TMEM178A: variants seen among roughly 807,000 people sequenced by gnomAD.
The protein encoded by TMEM178A is transmembrane protein 178A.
In TMEM178A, 12 loss-of-function variants were observed where a neutral mutation model predicts 29.1. The observed-to-expected ratio is 0.41, with a 90% CI of 0.26 to 0.67. The LOEUF is 0.67. Ranked by LOEUF, TMEM178A falls within the 30% of genes least tolerant of loss-of-function variation. The probability of loss-of-function intolerance (pLI) is 0.29; values close to 1 mark genes in which losing one functional copy is unlikely to be tolerated. For missense variants in TMEM178A, 366 were observed against 419.1 expected (o/e 0.87, Z 1.11); for synonymous variants, 210 against 187.2 (o/e 1.12, Z -0.99).
In TMEM178A at chr2:39,689,140, C is replaced by T. The variant is rs546761964; in HGVS notation, c.401-14941C>T. On this transcript the variant is annotated intron_variant, in intron 1 of 3. Coordinates refer to ENST00000281961, the MANE Select transcript of TMEM178A (RefSeq NM_152390.3). ...AAACTTTTGAAAGTGTAGCTCAATA[C>T]GAAGGATTCTATCAAGACACCTGGA... is the stretch of plus-strand genomic sequence containing the variant. 6.3e-4 allele frequency among the ~76,000 whole-genome samples: 96 copies of T among 152,238 alleles called. No homozygotes were observed. In the Middle Eastern group the frequency reaches 0.017, roughly 27 times the overall value.
At chr2:39,685,704 C>T (rs1252115916) in intron 1 of TMEM178A, among the ~76,000 whole-genome samples, 1 of 152,154 alleles carries the variant, frequency 6.6e-6, no homozygotes, top group Non-Finnish European at 1.5e-5. Flanking sequence ...CTTGGAATTC[C>T]AATGAGATAA....
intron 1 of TMEM178A, among the ~76,000 whole-genome samples, chr2:39,675,415 G>GTA (rs1553344147): frequency 1.2e-3 from 181 of 151,892 alleles, no homozygotes; most frequent in African/African-American, 4.2e-3. Flanking sequence ...TTATAAAAGG[G>GTA]CAGTTTTGTA....
chr2:39,712,231 GA>G (rs1281400973), intron 3 of TMEM178A, among the ~76,000 whole-genome samples: 2 of 151,992 alleles, frequency 1.3e-5, no homozygotes, highest in Non-Finnish European at 2.9e-5. Context: ...AGGAGCAGGG[GA>G]AAAAAATCAA....
At chr2:39,722,404 C>T (rs1187267423), downstream of TMEM178A, among the ~76,000 whole-genome samples, 1 of 152,162 alleles carries the variant, frequency 6.6e-6, no homozygotes, top group African/African-American at 2.4e-5. Flanking sequence ...TTAATGGAGA[C>T]TGGAATTGAA....
rs1217094321 is a variant in TMEM178A, at chr2:39,717,330, C to T, written c.*79C>T. On this transcript the variant is annotated 3_prime_UTR_variant, in exon 4 of 4. Transcript: ENST00000281961. ...GGAGTTCAGGAGTCCAAGCACAAAG[C>T]GGTCTTTTACATTCCAACCTGTTGC... The T allele has an allele frequency of 3.0e-5, 46 of 1,516,894 alleles. No homozygotes were observed. The highest frequency in any genetic ancestry group is 1.8e-4 in the East Asian group (8 of 43,716). The allele number at this position is 1,516,894 out of a possible 1,614,324, so 94.0% of individuals were successfully genotyped here. A position where few individuals can be genotyped will look rare whatever the true frequency, so the allele number is the denominator to read the frequency against.
intron 1 of TMEM178A, among the ~76,000 whole-genome samples, chr2:39,693,186 A>G (rs1282374665): frequency 6.6e-6 from 1 of 152,206 alleles, no homozygotes; most frequent in African/African-American, 2.4e-5. Flanking sequence ...GAGTGAAGAA[A>G]GCTGAGGTTT....
Position 39,665,995 on chromosome 2 carries a change from C to T in TMEM178A, c.21C>T (p.Val7=), listed in dbSNP as rs1670131460. The T allele has an allele frequency of 2.8e-6, 4 of 1,436,872 alleles. No individual in the cohort carries two copies. Among genetic ancestry groups the T allele is most frequent in the African/African-American group, 1.5e-5 (1 of 67,522 alleles). 89.0% of individuals were successfully genotyped at this position (1,436,872 alleles called of 1,614,324 possible). A position where few individuals can be genotyped will look rare whatever the true frequency, so the allele number is the denominator to read the frequency against. MEPRAL[V]TALSLGLSLC... ...AAGCCATGGAGCCGCGGGCGCTCGT[C>T]ACGGCGCTCAGCCTCGGCCTCAGCC... The change falls in exon 1 of 4, where the codon GTC becomes GTT. Residue 7 remains valine (V), a synonymous_variant. Coordinates refer to ENST00000281961, the MANE Select transcript of TMEM178A (RefSeq NM_152390.3).
intron 3 of TMEM178A, among the ~76,000 whole-genome samples, chr2:39,708,424 T>C (rs900587457): frequency 2.9e-5 from 4 of 138,916 alleles, no homozygotes; most frequent in Admixed American, 7.2e-5. Flanking sequence ...TTTTTTTTTT[T>C]TTTTTTTTTT....
intron 1 of TMEM178A, among the ~76,000 whole-genome samples, chr2:39,702,917 G>A (rs1169466722): frequency 6.6e-6 from 1 of 152,114 alleles, no homozygotes; most frequent in East Asian, 1.9e-4. Flanking sequence ...TTTTTAACGA[G>A]CCACCTAGGT....
chr2:39,728,482 G>C, the TMEM178A span, among the ~76,000 whole-genome samples: 1 of 151,788 alleles, frequency 6.6e-6, no homozygotes, highest in African/African-American at 2.4e-5. Context: ...TCTTTTCTGG[G>C]CCACACTCTG....
intron 1 of TMEM178A, among the ~76,000 whole-genome samples, chr2:39,678,460 C>T (rs557857830): frequency 1.6e-4 from 25 of 152,058 alleles, no homozygotes; most frequent in East Asian, 7.7e-4. Flanking sequence ...ACACTATGCT[C>T]GGTGAAAGAA....
At chr2:39,731,680 T>A in the TMEM178A span, among the ~76,000 whole-genome samples, 1 of 152,226 alleles carries the variant, frequency 6.6e-6, no homozygotes, top group African/African-American at 2.4e-5. Context: ...AATTTCAATG[T>A]GAGCTTCCAG....
intron 1 of TMEM178A, among the ~76,000 whole-genome samples, chr2:39,696,487 C>A (rs2148087592): frequency 6.6e-6 from 1 of 152,264 alleles, no homozygotes. Context: ...TCTTTCATTC[C>A]TCACCATAAC....
At chr2:39,696,340 A>G (rs115477167) in intron 1 of TMEM178A, among the ~76,000 whole-genome samples, 1,768 of 152,288 alleles carry the variant, frequency 0.012, 39 homozygotes, top group African/African-American at 0.04. Flanking sequence ...TGACCATTTA[A>G]GGTGCAGACT....
intron 1 of TMEM178A, among the ~76,000 whole-genome samples, chr2:39,687,748 T>C (rs1219279431): frequency 6.6e-6 from 1 of 152,220 alleles, no homozygotes; most frequent in Non-Finnish European, 1.5e-5. Context: ...ATGTACAGAT[T>C]GATATGATAA....
chr2:39,687,771 G>A (rs1379326767), intron 1 of TMEM178A, among the ~76,000 whole-genome samples: 1 of 152,376 alleles, frequency 6.6e-6, no homozygotes, highest in South Asian at 2.1e-4. Context: ...GCAATGCCAT[G>A]TGTCAACACA....
intron 1 of TMEM178A, among the ~76,000 whole-genome samples, chr2:39,703,371 T>A (rs1290945413): frequency 6.6e-6 from 1 of 152,086 alleles, no homozygotes; most frequent in African/African-American, 2.4e-5. Flanking sequence ...GTGTGTGAGG[T>A]TGGTGTGAGG....
chr2:39,709,057 T>A (rs1672187772), intron 3 of TMEM178A, among the ~76,000 whole-genome samples: 1 of 152,228 alleles, frequency 6.6e-6, no homozygotes, highest in African/African-American at 2.4e-5. Flanking sequence ...TATGCCTAGA[T>A]TTTCTTGCAC....
intron 3 of TMEM178A, among the ~76,000 whole-genome samples, chr2:39,715,749 A>G (rs1337382991): frequency 6.6e-6 from 1 of 152,208 alleles, no homozygotes; most frequent in East Asian, 1.9e-4. Flanking sequence ...GTGCTCTTAC[A>G]TGATTTGAAT....
Sources: allele counts gnomAD v4.1 joint callset (sites outside exome capture counted in the v4.1 genomes callset), GRCh38; gene constraint gnomAD v4.1.1; transcripts MANE v1.5; gene names NCBI Gene and HGNC (gene_info 2026-07-23, HGNC 2026-07-21).